Variants in RIMS2 observed in about 807,000 individuals in gnomAD.
RIMS2 encodes the protein regulating synaptic membrane exocytosis 2.
Under a neutral mutation model 174.4 loss-of-function variants are expected in RIMS2, and 59 were observed. That is an observed-to-expected ratio of 0.34 (90% CI 0.27 to 0.42). RIMS2 has a LOEUF of 0.42. RIMS2 is among the 10% of genes least tolerant of loss of function. The pLI is 1.00. For synonymous variants in RIMS2, 606 were observed against 572.5 expected (o/e 1.06, Z -0.84); for missense variants, 1,620 against 1,666.3 (o/e 0.97, Z 0.48).
chr8:103,762,397 A>G (rs527524857), intron 2 of RIMS2, among the ~76,000 whole-genome samples: 2 of 152,284 alleles, frequency 1.3e-5, no homozygotes, highest in South Asian at 4.1e-4. Flanking sequence ...CATATTTTAG[A>G]TGGCATTCCT....
At chr8:103,661,737 C>A (rs1175178309) in intron 1 of RIMS2, among the ~76,000 whole-genome samples, 1 of 152,174 alleles carries the variant, frequency 6.6e-6, no homozygotes, top group Non-Finnish European at 1.5e-5. Context: ...AACTTCTGAG[C>A]TCGGGCAATC....
intron 1 of RIMS2, among the ~76,000 whole-genome samples, chr8:103,527,703 C>G (rs565007325): frequency 2.0e-5 from 3 of 152,110 alleles, no homozygotes; most frequent in Admixed American, 2.0e-4. Flanking sequence ...ATCCATGTCC[C>G]TACAAAGGAC....
At chr8:103,623,350 A>T (rs546963999) in intron 1 of RIMS2, among the ~76,000 whole-genome samples, 107 of 152,198 alleles carry the variant, frequency 7.0e-4, no homozygotes, top group African/African-American at 2.5e-3. Flanking sequence ...TCTATATAAA[A>T]TTTTTTATAT....
chr8:103,731,855 T>A (rs116853451), intron 2 of RIMS2, among the ~76,000 whole-genome samples: 18,889 of 152,208 alleles, frequency 0.12, 1,273 homozygotes, highest in Middle Eastern at 0.22. Flanking sequence ...TCCTTCTCCA[T>A]GTTATCTTGA....
intron 3 of RIMS2, among the ~76,000 whole-genome samples, chr8:103,813,755 G>A (rs1361572273): frequency 6.6e-6 from 1 of 152,144 alleles, no homozygotes; most frequent in Non-Finnish European, 1.5e-5. Flanking sequence ...TGGCTGCATA[G>A]TATTCCATGG....
chr8:104,145,976 A>G (rs2098635269), intron 19 of RIMS2, among the ~76,000 whole-genome samples: 1 of 151,964 alleles, frequency 6.6e-6, no homozygotes, highest in Non-Finnish European at 1.5e-5. Flanking sequence ...TCTCATCAAA[A>G]CACACCACTC....
At chr8:103,577,688 G>A (rs1422787438) in intron 1 of RIMS2, among the ~76,000 whole-genome samples, 3 of 152,094 alleles carry the variant, frequency 2.0e-5, no homozygotes, top group Non-Finnish European at 4.4e-5. Context: ...CAATATGAAT[G>A]AAAATAAATA....
At chr8:103,989,342 A>G (rs761803028) in exon 17 of RIMS2, 14 of 1,613,528 alleles carry the variant, frequency 8.7e-6, no homozygotes, top group East Asian at 2.2e-5. Flanking sequence ...GACCCGCACT[A>G]TGACCGGACA....
chr8:104,041,048 G>C (rs2096599878), intron 19 of RIMS2, among the ~76,000 whole-genome samples: 1 of 151,634 alleles, frequency 6.6e-6, no homozygotes, highest in Admixed American at 6.6e-5. Context: ...AGGATTTGCT[G>C]TACGTAAATA....
intron 1 of RIMS2, among the ~76,000 whole-genome samples, chr8:103,649,258 A>G (rs1426392438): frequency 6.6e-6 from 1 of 152,122 alleles, no homozygotes; most frequent in Non-Finnish European, 1.5e-5. Context: ...AGAACATTGA[A>G]TATTGGCCCC....
chr8:103,620,754 G>A (rs1170198578), intron 1 of RIMS2, among the ~76,000 whole-genome samples: 1 of 152,122 alleles, frequency 6.6e-6, no homozygotes, highest in Non-Finnish European at 1.5e-5. Flanking sequence ...AGGATATTAA[G>A]TGGATTAAAT....
At chr8:103,591,582 T>A (rs1210784127) in intron 1 of RIMS2, among the ~76,000 whole-genome samples, 1 of 151,310 alleles carries the variant, frequency 6.6e-6, no homozygotes, top group Non-Finnish European at 1.5e-5. Context: ...TTAATTATTG[T>A]ATGTGGTATG....
intron 19 of RIMS2, among the ~76,000 whole-genome samples, chr8:104,162,143 T>C (rs1182930652): frequency 6.6e-6 from 1 of 152,168 alleles, no homozygotes; most frequent in East Asian, 1.9e-4. Flanking sequence ...CAGGGTGCAG[T>C]GCATGGACAT....
intron 3 of RIMS2, among the ~76,000 whole-genome samples, chr8:103,834,741 T>TC (rs1233425570): frequency 1.8e-4 from 26 of 140,822 alleles, no homozygotes; most frequent in African/African-American, 6.8e-4. Flanking sequence ...TCTTTCTTTC[T>TC]TTCTCTCTCT....
chr8:103,692,684 T>C (rs2137121066), intron 1 of RIMS2, among the ~76,000 whole-genome samples: 1 of 152,310 alleles, frequency 6.6e-6, no homozygotes, highest in Non-Finnish European at 1.5e-5. Flanking sequence ...AGAAATGTTG[T>C]CTGGGAGCTA....
At chr8:103,965,578 A>T (rs1442762691) in intron 15 of RIMS2, among the ~76,000 whole-genome samples, 1 of 152,098 alleles carries the variant, frequency 6.6e-6, no homozygotes, top group Non-Finnish European at 1.5e-5. Flanking sequence ...ATAGACAATC[A>T]TGGCATCACA....
In RIMS2 at chr8:103,769,832, C is replaced by G. The variant is rs374383207; in HGVS notation, c.698+3295C>G. 1.7e-4 allele frequency among the ~76,000 whole-genome samples: 26 copies of G among 152,248 alleles called. No homozygotes were observed. In the East Asian group the frequency reaches 4.6e-3, roughly 27 times the overall value. On this transcript the variant is annotated intron_variant, in intron 3 of 23. Transcript: ENST00000504942. The stretch of plus-strand genomic sequence containing the variant: ...TTACTAATAAATTCGTGCTTAATGA[C>G]TAAAAGCATACTGTATATCTTCTTT...
chr8:103,586,129 G>A (rs1229058944), intron 1 of RIMS2, among the ~76,000 whole-genome samples: 1 of 152,108 alleles, frequency 6.6e-6, no homozygotes, highest in African/African-American at 2.4e-5. Flanking sequence ...GAGAGAGGTA[G>A]GCCCCAATAC....
At chr8:103,779,905 A>G (rs1392485138) in intron 3 of RIMS2, among the ~76,000 whole-genome samples, 1 of 125,530 alleles carries the variant, frequency 8.0e-6, no homozygotes, top group Non-Finnish European at 1.9e-5. Flanking sequence ...GGTATAATTA[A>G]AAAAAAAAAA....
Sources: allele counts gnomAD v4.1 joint callset (sites outside exome capture counted in the v4.1 genomes callset), GRCh38; gene constraint gnomAD v4.1.1; transcripts MANE v1.5; gene names NCBI Gene and HGNC (gene_info 2026-07-23, HGNC 2026-07-21).